The following COL9A2 variants were observed in gnomAD, a reference collection of about 807,000 sequenced individuals.
COL9A2 encodes collagen type IX alpha 2 chain, also known as collagen alpha-2(IX) chain.
COL9A2 carries 66 observed loss-of-function variants against 111.6 expected under a neutral mutation model. That is an observed-to-expected ratio of 0.59 (90% CI 0.48 to 0.73). COL9A2 has a LOEUF of 0.73. Among genes scored for constraint, COL9A2 ranks in the 30% least tolerant of loss-of-function variants. The pLI is 0.00. For synonymous variants in COL9A2, 353 were observed against 364.1 expected, an observed-to-expected ratio of 0.97 and a Z score of 0.35; for missense variants, 881 against 954.1, an observed-to-expected ratio of 0.92 and a Z score of 1.01.
In COL9A2 at chr1:40,312,610, C is replaced by T. The variant is rs763368620; in HGVS notation, c.304-1G>A. ...GAGGACCAGGAAGCCCGGGCTGGCCCTGCAGAAGCAACGAGAAAGGCTCAG... is the reference window on the plus strand; with the variant it reads ...GAGGACCAGGAAGCCCGGGCTGGCCTTGCAGAAGCAACGAGAAAGGCTCAG... On this transcript the variant is annotated splice_acceptor_variant, in intron 5 of 31. Transcript: ENST00000372748. LOFTEE classifies it high-confidence loss of function. This position sits in a 1 kb window ranked among gnomAD's most constrained non-coding sequence, Gnocchi z 6.0. The T allele has an allele frequency of 6.2e-7, 1 of 1,614,062 alleles. No homozygotes were observed. The highest frequency in any genetic ancestry group is 8.5e-7 in the Non-Finnish European group (1 of 1,179,978).
rs759339883 is a variant in COL9A2 at position 40,315,614 on chromosome 1, T to C, written c.126A>G (p.Gly42=). Residue 42 remains glycine (G), a synonymous_variant, in exon 2 of 32, where the codon GGA becomes GGG. Transcript: ENST00000372748. The part of the protein sequence containing the change: ...RGPPGPPGPP[G]VPGSDGIDGD... ...CGTCGATGCCGTCGGATCCAGGCAC[T>C]CCCGGCGGTCCCGGGGGACCCGGGG... 1 of 1,551,586 alleles carries C rather than the reference T, an allele frequency of 6.4e-7. No individual in the cohort carries two copies. The highest frequency in any genetic ancestry group is 8.7e-7 in the Non-Finnish European group (1 of 1,146,810).
chr1:40,306,629 C>T (rs1644034383), intron 19 of COL9A2, among the ~76,000 whole-genome samples: 1 of 151,980 alleles, frequency 6.6e-6, no homozygotes, highest in Admixed American at 6.6e-5. Context: ...ACAGAGGGAC[C>T]AGCAAAGGCC....
intron 16 of COL9A2, 65 bp downstream of exon 16, chr1:40,309,873 G>T (rs982447296): frequency 2.6e-6 from 4 of 1,517,534 alleles, no homozygotes; most frequent in South Asian, 2.2e-5. Flanking sequence ...AGCCTTAGGG[G>T]GTGCCTTGTC....
chr1:40,304,729 C>T (rs534463937), intron 22 of COL9A2, 65 bp downstream of exon 22: 2 of 1,472,918 alleles, frequency 1.4e-6, no homozygotes, highest in Non-Finnish European at 9.3e-7. Flanking sequence ...GGAGCAGATG[C>T]TGTATCCAGC....
In COL9A2 at chr1:40,311,198, A is replaced by G. The variant is rs1388587696; in HGVS notation, c.576+32T>C. The G allele has an allele frequency of 2.5e-6, 4 of 1,613,496 alleles. No homozygotes were observed. The highest frequency in any genetic ancestry group is 3.4e-6 in the Non-Finnish European group (4 of 1,179,896). ...GAGGTCCCCTCCTGTCACCTGCACC[A>G]CCCTCCCAAGATTCAGGCCAGGAGC... On this transcript the variant is annotated intron_variant, in intron 11 of 31. Coordinates refer to ENST00000372748, the MANE Select transcript of COL9A2 (RefSeq NM_001852.4). The surrounding 1 kb of genome is among the most constrained non-coding windows in gnomAD (Gnocchi z 5.1).
chr1:40,305,781 A>G lies in COL9A2; in HGVS notation c.1054-13T>C, dbSNP rs771126436. 2.5e-6 allele frequency: 4 copies of G among 1,613,830 alleles called. No individual in the cohort carries two copies. The highest frequency in any genetic ancestry group is 2.2e-5 in the South Asian group (2 of 91,068). The stretch of plus-strand genomic sequence containing the variant: ...GGCCCGGCTCACCCTGCAGGAAAAC[A>G]GTTCTCAGGTCAGTCTGGGTGGCCC... On this transcript the variant is annotated splice_polypyrimidine_tract_variant and intron_variant, in intron 20 of 31. Transcript: ENST00000372748.
intron 2 of COL9A2, 62 bp downstream of exon 2, chr1:40,315,528 C>A: frequency 6.6e-7 from 1 of 1,522,484 alleles, no homozygotes; most frequent in South Asian, 1.2e-5. Context: ...CACCACAGCG[C>A]TCACAAAGTT....
chr1:40,314,453 G>T lies in COL9A2; in HGVS notation c.151-66C>A. On this transcript the variant is annotated intron_variant, in intron 2 of 31. Transcript: ENST00000372748. This position sits in a 1 kb window ranked among gnomAD's most constrained non-coding sequence, Gnocchi z 4.1. ...CACTACCCCAAGTGGGCACACACAG[G>T]CCCTGGCAGGCCGCTCCCAAAGGCT... The T allele has an allele frequency of 1.3e-6, 2 of 1,589,530 alleles. No homozygotes were observed. The highest frequency in any genetic ancestry group is 1.1e-5 in the South Asian group (1 of 90,554).
At position 40,307,665 on chromosome 1, in the gene COL9A2, T is replaced by C. The variant is rs1267200262; in HGVS notation, c.954+38A>G. 6.2e-7 allele frequency: 1 copy of C among 1,612,364 alleles called. No individual in the cohort carries two copies. Among genetic ancestry groups the C allele is most frequent in the South Asian group, 1.1e-5 (1 of 90,876 alleles). On this transcript the variant is annotated intron_variant, in intron 18 of 31. Coordinates refer to ENST00000372748, the MANE Select transcript of COL9A2 (RefSeq NM_001852.4). The surrounding 1 kb of genome is among the most constrained non-coding windows in gnomAD (Gnocchi z 4.8). ...GTCTAGAATCCAGGACTCAAGGTCC[T>C]GCCCCTGCCCCAGTCCCATCAGCAG...
In COL9A2 at chr1:40,302,811, TGGAGGGAG is replaced by T. The variant is rs3831927; in HGVS notation, c.1604-10_1604-3del. On this transcript the variant is annotated splice_region_variant and splice_polypyrimidine_tract_variant and intron_variant, in intron 29 of 31. Coordinates refer to ENST00000372748, the MANE Select transcript of COL9A2 (RefSeq NM_001852.4). This position sits in a 1 kb window ranked among gnomAD's most constrained non-coding sequence, Gnocchi z 4.5. ...TCACGGCGACCTCTGCCAGTTGCTCTGGAGGGAGGGAGGGAGGGAGGGAGAGGGAAGTC... is the reference window on the plus strand; with the variant it reads ...TCACGGCGACCTCTGCCAGTTGCTCTGGAGGGAGGGAGGGAGAGGGAAGTC... 14,175 of 551,572 alleles carry T rather than the reference TGGAGGGAG, an allele frequency of 0.026. 1,273 individuals are homozygous for T. The highest frequency in any genetic ancestry group is 0.23 in the African/African-American group (11,900 of 52,490). 34.2% of individuals were successfully genotyped at this position (551,572 alleles called of 1,614,324 possible).
rs766519242 is a variant in COL9A2, at chr1:40,308,146, TG to T, written c.900+45del. On this transcript the variant is annotated intron_variant, in intron 17 of 31. Coordinates refer to ENST00000372748, the MANE Select transcript of COL9A2 (RefSeq NM_001852.4). ...CTTCTGGGGGTTTGGACAAAGCAGCTGGGCCCTGGCCTCTGTCCTGGTGGGC... is the reference window on the plus strand; with the variant it reads ...CTTCTGGGGGTTTGGACAAAGCAGCTGGCCCTGGCCTCTGTCCTGGTGGGC... 5.0e-6 allele frequency: 8 copies of T among 1,586,336 alleles called. No homozygotes were observed. In the Admixed American group the frequency reaches 1.2e-4, roughly 23 times the overall value.
In COL9A2 at chr1:40,304,115, A is replaced by T. The variant is rs1408042159; in HGVS notation, c.1288-16T>A. 2.6e-6 allele frequency: 4 copies of T among 1,548,890 alleles called. No homozygotes were observed. In the East Asian group the frequency reaches 9.5e-5, roughly 37 times the overall value. On this transcript the variant is annotated splice_polypyrimidine_tract_variant and intron_variant, in intron 24 of 31. Transcript: ENST00000372748. ...CTGGGGAGCCCTGGAGAAAGCGGGC[A>T]GTGAGGGGTTTGGCGAGCTCCCCCC...
In COL9A2 at chr1:40,310,754, T is replaced by C. The variant is rs761570761; in HGVS notation, c.644A>G (p.Asp215Gly). ...GHQGKPGPKG[D>G]VGASGEQGIP... ...GCCTTGCTCTCCAGAGGCACCCACATCTCCCTTGGGACCCTAAAGGGCAGG... is the reference window on the plus strand; with the variant it reads ...GCCTTGCTCTCCAGAGGCACCCACACCTCCCTTGGGACCCTAAAGGGCAGG... The change falls in exon 13 of 32, where the codon GAT becomes GGT. Residue 215 changes from aspartate (D) to glycine (G), a missense_variant. Physicochemically the swap from Asp to Gly is moderately conservative, Grantham distance 94. Transcript: ENST00000372748. The surrounding 1 kb of genome is among the most constrained non-coding windows in gnomAD (Gnocchi z 4.9). 9 of 1,562,876 alleles carry C rather than the reference T, an allele frequency of 5.8e-6. No homozygotes were observed.
In COL9A2 at chr1:40,317,177, G is replaced by T; in HGVS notation, c.21C>A (p.Ser7=). The part of the protein sequence containing the change: MAAATA[S]PRSLLVLLQV... ...GGAGGAGAACAAGGAGGCTGCGGGGGGAGGCCGTAGCGGCGGCCATGGCTG... is the reference window on the plus strand; with the variant it reads ...GGAGGAGAACAAGGAGGCTGCGGGGTGAGGCCGTAGCGGCGGCCATGGCTG... Residue 7 remains serine, a synonymous_variant, in exon 1 of 32, where the codon TCC becomes TCA. Transcript: ENST00000372748. This position sits in a 1 kb window ranked among gnomAD's most constrained non-coding sequence, Gnocchi z 4.3. 1 of 1,588,258 alleles carries T rather than the reference G, an allele frequency of 6.3e-7. No homozygotes were observed.
Position 40,311,970 on chromosome 1 carries a change from A to G in COL9A2, c.417+89T>C. ...GAGGAGTTTCCCAGTGGCCAGGAGCAGGCCCAGGAACTTCCAGAAAGACCA... is the reference window on the plus strand; with the variant it reads ...GAGGAGTTTCCCAGTGGCCAGGAGCGGGCCCAGGAACTTCCAGAAAGACCA... On this transcript the variant is annotated intron_variant, in intron 8 of 31. Coordinates refer to ENST00000372748, the MANE Select transcript of COL9A2 (RefSeq NM_001852.4). This position sits in a 1 kb window ranked among gnomAD's most constrained non-coding sequence, Gnocchi z 5.1. 7.3e-7 allele frequency: 1 copy of G among 1,370,044 alleles called. No individual in the cohort carries two copies. Among genetic ancestry groups the G allele is most frequent in the Non-Finnish European group, 1.0e-6 (1 of 979,018 alleles). The allele number at this position is 1,370,044 out of a possible 1,614,324, so 84.9% of individuals were successfully genotyped here. A position where few individuals can be genotyped will look rare whatever the true frequency, so the allele number is the denominator to read the frequency against.
chr1:40,305,062 T>C (rs1369282104), intron 21 of COL9A2: 1 of 82,220 alleles, frequency 1.2e-5, no homozygotes, highest in South Asian at 3.7e-4. Flanking sequence ...TCTTTCTTTC[T>C]TTTTTTTTTT....
At chr1:40,305,055 TTC>T in intron 21 of COL9A2, 1 of 409,072 alleles carries the variant, frequency 2.4e-6, no homozygotes, top group Non-Finnish European at 4.3e-6. Flanking sequence ...GATCATTTCT[TTC>T]TTTCTTTTTT....
chr1:40,305,576 C>T (rs1644015473), intron 21 of COL9A2, 139 bp downstream of exon 21: 1 of 792,630 alleles, frequency 1.3e-6, no homozygotes, highest in Non-Finnish European at 2.2e-6. Context: ...GGAAACAGGC[C>T]CAGGGAGGAG....
Position 40,304,788 on chromosome 1 carries a change from A to T in COL9A2, c.1161+6T>A. ...CCGGGGAGGGGCCATTGTGCCAGGC[A>T]CTTACCTTCTGTCCCATGATGCCCT... On this transcript the variant is annotated splice_donor_region_variant and intron_variant, in intron 22 of 31. Transcript: ENST00000372748. 1.3e-6 allele frequency: 2 copies of T among 1,550,484 alleles called. No homozygotes were observed.
Sources: allele counts gnomAD v4.1 joint callset (sites outside exome capture counted in the v4.1 genomes callset), GRCh38; gene constraint gnomAD v4.1.1; non-coding constraint Gnocchi (gnomAD v3.1); transcripts MANE v1.5; gene names NCBI Gene and HGNC (gene_info 2026-07-23, HGNC 2026-07-21).